The following TENM1 variants were observed in gnomAD, a reference collection of about 807,000 sequenced individuals.
TENM1 encodes the protein teneurin-1.
TENM1 carries 35 observed loss-of-function variants against 174.8 expected under a neutral mutation model. The ratio of observed to expected loss-of-function variants is 0.20; its 90% CI spans 0.15 to 0.27. TENM1 has a LOEUF of 0.27. TENM1 is among the 10% of genes least tolerant of loss of function. TENM1 has a pLI of 1.00. For synonymous variants in TENM1, 781 were observed against 798.7 expected (o/e 0.98, Z 0.37); for missense variants, 1,633 against 2,130.1 (o/e 0.77, Z 4.59).
At chrX:124,960,320 G>A (rs2058635253) in intron 1 of TENM1, among the ~76,000 whole-genome samples, 1 of 111,466 alleles carries the variant, frequency 9.0e-6, no homozygotes, top group Admixed American at 9.6e-5. Flanking sequence ...TATGTACTCT[G>A]ATTCCTCTAA....
chrX:124,503,417 G>T (rs1250226154), intron 19 of TENM1, 143 bp downstream of exon 22: 2 of 489,402 alleles, frequency 4.1e-6, no homozygotes, highest in Non-Finnish European at 6.6e-6. Flanking sequence ...ATTCAAAATA[G>T]AATTATTATG....
chrX:124,568,992 G>A (rs911508179), intron 11 of TENM1, among the ~76,000 whole-genome samples: 1 of 111,380 alleles, frequency 9.0e-6, no homozygotes, highest in Non-Finnish European at 1.9e-5. Context: ...TCACTTGAGC[G>A]CAGGAGTTTG....
the TENM1 span, among the ~76,000 whole-genome samples, chrX:125,109,375 A>G: frequency 9.0e-6 from 1 of 111,200 alleles, no homozygotes; most frequent in South Asian, 3.8e-4. Flanking sequence ...TTTTTAATCA[A>G]CTTTTATTTT....
chrX:124,901,217 A>G (rs1410350889), intron 1 of TENM1, among the ~76,000 whole-genome samples: 1 of 111,739 alleles, frequency 8.9e-6, no homozygotes, highest in African/African-American at 3.3e-5. Context: ...GCAGCTAGGG[A>G]AACATTTATG....
chrX:124,674,698 G>C (rs1264972938), intron 5 of TENM1, among the ~76,000 whole-genome samples: 3 of 111,368 alleles, frequency 2.7e-5, no homozygotes, highest in African/African-American at 9.8e-5. Context: ...TGACATCCTT[G>C]AGATTTCCTT....
chrX:124,753,974 G>A (rs2054155766), intron 3 of TENM1, among the ~76,000 whole-genome samples: 1 of 111,524 alleles, frequency 9.0e-6, no homozygotes. Flanking sequence ...TCTCTGCCAG[G>A]CTTTGGTATC....
chrX:124,407,309 G>A (rs1393411598), intron 25 of TENM1, among the ~76,000 whole-genome samples: 1 of 110,442 alleles, frequency 9.1e-6, no homozygotes, highest in Non-Finnish European at 1.9e-5. Flanking sequence ...ATGTGGAGCT[G>A]TTCTTTTATT....
chrX:124,613,352 G>A (rs1488535875), intron 11 of TENM1, among the ~76,000 whole-genome samples: 2 of 110,846 alleles, frequency 1.8e-5, no homozygotes, highest in Non-Finnish European at 3.8e-5. Context: ...ACTGCTGATC[G>A]CATTGTGTTT....
chrX:124,699,194 T>G (rs754776548), intron 5 of TENM1, among the ~76,000 whole-genome samples: 50 of 111,564 alleles, frequency 4.5e-4, no homozygotes, highest in Non-Finnish European at 8.1e-4. Flanking sequence ...GAATTCAAGT[T>G]ATTTACTGTG....
intron 5 of TENM1, among the ~76,000 whole-genome samples, chrX:124,673,909 T>G (rs1351754644): frequency 1.8e-5 from 2 of 111,499 alleles, no homozygotes; most frequent in Non-Finnish European, 3.8e-5. Flanking sequence ...GTTAGAGAAT[T>G]CTTTATTAGT....
intron 3 of TENM1, among the ~76,000 whole-genome samples, chrX:124,738,438 C>A (rs1474352445): frequency 8.9e-6 from 1 of 112,039 alleles, no homozygotes; most frequent in Non-Finnish European, 1.9e-5. Flanking sequence ...AAGAGCATGA[C>A]AAATTCTTGG....
In TENM1 at chrX:124,651,716, T is replaced by TA. The variant is rs1006423288; in HGVS notation, c.1579+197dup. The stretch of plus-strand genomic sequence containing the variant: ...AGAAGAGCAACAAATAAAGTAGCAT[T>TA]AAAAAAAATCTTAATCAGCATTTAA... On this transcript the variant is annotated intron_variant, in intron 8 of 31. Coordinates refer to ENST00000422452, the Ensembl canonical transcript of TENM1. 3.6e-5 allele frequency among the ~76,000 whole-genome samples: 4 copies of TA among 111,027 alleles called. No individual in the cohort carries two copies. In the East Asian group the frequency reaches 1.1e-3, roughly 31 times the overall value.
the TENM1 span, among the ~76,000 whole-genome samples, chrX:124,975,237 T>C: frequency 9.0e-6 from 1 of 110,544 alleles, no homozygotes; most frequent in Non-Finnish European, 1.9e-5. Context: ...ACACTTCATA[T>C]AGGAAACAAT....
At chrX:124,477,749 CAA>C (rs58693858) in intron 22 of TENM1, among the ~76,000 whole-genome samples, 5,581 of 44,299 alleles carry the variant, frequency 0.13, 98 homozygotes, top group Non-Finnish European at 0.15. Flanking sequence ...GACTTCGTCT[CAA>C]AAAAAAAAAA....
intron 15 of TENM1, among the ~76,000 whole-genome samples, chrX:124,531,276 T>C (rs1372505430): frequency 9.1e-6 from 1 of 109,771 alleles, no homozygotes; most frequent in African/African-American, 3.3e-5. Flanking sequence ...TACATTCTTT[T>C]AACAGAATCA....
chrX:124,906,495 G>T (rs185521268), intron 1 of TENM1, among the ~76,000 whole-genome samples: 2 of 111,361 alleles, frequency 1.8e-5, no homozygotes, highest in African/African-American at 6.5e-5. Context: ...GAGCAATGTT[G>T]GCCCTAGATA....
chrX:124,499,974 A>G (rs907582097), intron 19 of TENM1, among the ~76,000 whole-genome samples: 3 of 111,553 alleles, frequency 2.7e-5, no homozygotes, highest in Non-Finnish European at 3.8e-5. Context: ...ATATAATGGT[A>G]TAGTTAACAA....
rs762198298 is a variant in TENM1, at chrX:124,836,153, C to A, written c.535+58143G>T. Among the ~76,000 whole-genome samples the A allele has an allele frequency of 8.0e-5, 9 of 111,882 alleles. No individual in the cohort carries two copies. In the South Asian group the frequency reaches 3.4e-3, roughly 42 times the overall value. On this transcript the variant is annotated intron_variant, in intron 3 of 31. Transcript: ENST00000422452. ...TATGCTATATCATTCCCTATGTCTA[C>A]ATCAATTCTATGGGAGAGTACATAT... is the stretch of plus-strand genomic sequence containing the variant.
the TENM1 span, among the ~76,000 whole-genome samples, chrX:125,139,006 T>G: frequency 2.7e-5 from 3 of 110,408 alleles, no homozygotes; most frequent in Admixed American, 2.9e-4. Context: ...TTTGTTATCA[T>G]GGATGATAGT....
Sources: allele counts gnomAD v4.1 joint callset (sites outside exome capture counted in the v4.1 genomes callset), GRCh38; gene constraint gnomAD v4.1.1; transcripts MANE v1.5; gene names NCBI Gene and HGNC (gene_info 2026-07-23, HGNC 2026-07-21).